TRABD2B: variants seen among roughly 807,000 people sequenced by gnomAD.
TRABD2B encodes TraB domain containing 2B.
Under a neutral mutation model 40.1 loss-of-function variants are expected in TRABD2B, and 14 were observed. The ratio of observed to expected loss-of-function variants is 0.35; its 90% CI spans 0.23 to 0.55. TRABD2B has a LOEUF of 0.55. TRABD2B is among the 20% of genes least tolerant of loss of function. The probability of loss-of-function intolerance (pLI) is 0.90; values close to 1 mark genes in which losing one functional copy is unlikely to be tolerated. For missense variants in TRABD2B, 541 were observed against 648.6 expected (o/e 0.83, Z 1.80); for synonymous variants, 263 against 277.0 (o/e 0.95, Z 0.50).
chr1:47,929,914 G>A (rs1306294641), intron 2 of TRABD2B, among the ~76,000 whole-genome samples: 1 of 152,152 alleles, frequency 6.6e-6, no homozygotes, highest in Non-Finnish European at 1.5e-5. Flanking sequence ...TGAGCCAAAT[G>A]CCCTTGCCCA....
chr1:47,809,710 C>T (rs1553153466), intron 2 of TRABD2B, among the ~76,000 whole-genome samples: 1 of 152,222 alleles, frequency 6.6e-6, no homozygotes, highest in Non-Finnish European at 1.5e-5. Flanking sequence ...TCTCCTAGGC[C>T]TCCAGCACTG....
intron 2 of TRABD2B, among the ~76,000 whole-genome samples, chr1:47,939,163 C>A (rs907930262): frequency 8.6e-5 from 13 of 151,990 alleles, no homozygotes; most frequent in Admixed American, 2.0e-4. Context: ...CTGTAATTAT[C>A]ATTAATTAGT....
At chr1:47,779,318 CAT>C (rs1273344787) in intron 4 of TRABD2B, among the ~76,000 whole-genome samples, 2 of 152,310 alleles carry the variant, frequency 1.3e-5, no homozygotes, top group Admixed American at 1.3e-4. Flanking sequence ...GAGGCAGAAA[CAT>C]AGAACTGAAC....
intron 2 of TRABD2B, among the ~76,000 whole-genome samples, chr1:47,934,611 C>T (rs1361202624): frequency 1.3e-5 from 2 of 152,218 alleles, no homozygotes; most frequent in African/African-American, 2.4e-5. Context: ...CTAATGATTG[C>T]TCCATGTCTG....
At chr1:47,766,507 G>A (rs4927044) in intron 6 of TRABD2B, among the ~76,000 whole-genome samples, 25,454 of 152,168 alleles carry the variant, frequency 0.17, 2,524 homozygotes, top group African/African-American at 0.25. Context: ...CTTGCAGACC[G>A]CCAAAACACG....
At chr1:47,804,237 T>C (rs1000703848) in intron 2 of TRABD2B, among the ~76,000 whole-genome samples, 3 of 152,138 alleles carry the variant, frequency 2.0e-5, no homozygotes, top group African/African-American at 7.2e-5. Context: ...GCCGCCACCA[T>C]TGAAATCTGA....
intron 2 of TRABD2B, among the ~76,000 whole-genome samples, chr1:47,877,209 G>A (rs568995834): frequency 6.6e-6 from 1 of 151,924 alleles, no homozygotes; most frequent in Admixed American, 6.6e-5. Flanking sequence ...AATGGGGCTG[G>A]GGGGTGGGCA....
intron 4 of TRABD2B, among the ~76,000 whole-genome samples, 198 bp from the exon 5 acceptor site, chr1:47,778,742 C>T (rs1644481632): frequency 6.6e-6 from 1 of 152,226 alleles, no homozygotes; most frequent in South Asian, 2.1e-4. Flanking sequence ...CAAATCCTGG[C>T]TCTGCCGCTC....
In TRABD2B at chr1:47,761,008, T is replaced by G. The variant is rs1644238271; in HGVS notation, c.*4894A>C. 6.6e-6 allele frequency: 1 copy of G among 152,278 alleles called. No homozygotes were observed. The highest frequency in any genetic ancestry group is 2.4e-5 in the African/African-American group (1 of 41,470). 9.4% of individuals were successfully genotyped at this position (152,278 alleles called of 1,614,324 possible). ...TCACCTTTCCCACCTCCACATGCTT[T>G]CAATCCCATGGCAGCCTGTGGGTCC... is the stretch of plus-strand genomic sequence containing the variant. On this transcript the variant is annotated 3_prime_UTR_variant, in exon 7 of 7. Coordinates refer to ENST00000606738, the MANE Select transcript of TRABD2B (RefSeq NM_001194986.2).
chr1:47,899,023 CT>C (rs1461806142), intron 2 of TRABD2B, among the ~76,000 whole-genome samples: 2 of 152,222 alleles, frequency 1.3e-5, no homozygotes, highest in African/African-American at 4.8e-5. Context: ...TGGAGAAGGC[CT>C]TACATCCATA....
At chr1:47,913,277 G>C (rs1644786885) in intron 2 of TRABD2B, among the ~76,000 whole-genome samples, 1 of 152,160 alleles carries the variant, frequency 6.6e-6, no homozygotes, top group South Asian at 2.1e-4. Flanking sequence ...CATGGGCACT[G>C]GGTGCTGCCT....
chr1:47,825,984 G>C (rs189921985), intron 2 of TRABD2B, among the ~76,000 whole-genome samples: 22 of 152,330 alleles, frequency 1.4e-4, no homozygotes, highest in Non-Finnish European at 2.8e-4. Flanking sequence ...CAACAGAATG[G>C]AGACCAGGTC....
In TRABD2B at chr1:47,892,106, A is replaced by G. The variant is rs189838240; in HGVS notation, c.667-90487T>C. Among the ~76,000 whole-genome samples, 4 of 152,286 alleles carry G rather than the reference A, an allele frequency of 2.6e-5. No individual in the cohort carries two copies. The East Asian group carries it at 7.7e-4, about 29-fold the overall frequency. The stretch of plus-strand genomic sequence containing the variant: ...AGTGGGAGAAGGCAACAGAAGGGAG[A>G]CCTGTTACAGGCAGCTTATTACACG... On this transcript the variant is annotated intron_variant, in intron 2 of 6. Coordinates refer to ENST00000606738, the MANE Select transcript of TRABD2B (RefSeq NM_001194986.2).
At chr1:47,807,304 G>A (rs1644905723) in intron 2 of TRABD2B, among the ~76,000 whole-genome samples, 1 of 152,170 alleles carries the variant, frequency 6.6e-6, no homozygotes, top group Admixed American at 6.5e-5. Flanking sequence ...GTGGAGGTGA[G>A]GAAGAGTGTT....
chr1:47,897,304 A>T (rs987896268), intron 2 of TRABD2B, among the ~76,000 whole-genome samples: 2 of 152,132 alleles, frequency 1.3e-5, no homozygotes, highest in Admixed American at 1.3e-4. Context: ...GTAGGAGACG[A>T]TCAGAGAGGA....
At chr1:47,830,552 C>T (rs900386909) in intron 2 of TRABD2B, among the ~76,000 whole-genome samples, 2 of 152,248 alleles carry the variant, frequency 1.3e-5, no homozygotes, top group African/African-American at 4.8e-5. Flanking sequence ...CCCCTCCCTG[C>T]TTTGCACATC....
chr1:47,996,721 G>C lies in TRABD2B; in HGVS notation c.69C>G (p.Pro23=), dbSNP rs1157804870. 2 of 1,228,412 alleles carry C rather than the reference G, an allele frequency of 1.6e-6. No homozygotes were observed. The highest frequency in any genetic ancestry group is 3.1e-5 in the African/African-American group (2 of 64,158). 76.1% of individuals were successfully genotyped at this position (1,228,412 alleles called of 1,614,324 possible). A position where few individuals can be genotyped will look rare whatever the true frequency, so the allele number is the denominator to read the frequency against. The part of the protein sequence containing the change: ...LLATARARPQ[P]PDGGQCRPPG... ...GCGGCCGGCACTGTCCTCCGTCCGGGGGCTGCGGGCGGGCGCGAGCGGTGG... is the reference window on the plus strand; with the variant it reads ...GCGGCCGGCACTGTCCTCCGTCCGGCGGCTGCGGGCGGGCGCGAGCGGTGG... Residue 23 remains proline (P), a synonymous_variant, in exon 1 of 7, where the codon CCC becomes CCG. Transcript: ENST00000606738. The surrounding 1 kb of genome is among the most constrained non-coding windows in gnomAD (Gnocchi z 4.6).
chr1:47,884,208 G>T (rs971871873), intron 2 of TRABD2B, among the ~76,000 whole-genome samples: 3 of 152,184 alleles, frequency 2.0e-5, no homozygotes, highest in Non-Finnish European at 4.4e-5. Context: ...GAAAACAGCA[G>T]TGGCCGTGTG....
At chr1:47,851,685 C>A (rs1483261249) in intron 2 of TRABD2B, among the ~76,000 whole-genome samples, 1 of 152,222 alleles carries the variant, frequency 6.6e-6, no homozygotes, top group African/African-American at 2.4e-5. Flanking sequence ...ACAATCCCCA[C>A]TTCCCAGGGC....
Sources: gnomAD v4.1 joint callset for allele counts (sites outside exome capture counted in the v4.1 genomes callset) on GRCh38, gnomAD v4.1.1 for gene constraint, Gnocchi (gnomAD v3.1) non-coding constraint, MANE v1.5 for transcripts, NCBI Gene and HGNC (gene_info 2026-07-23, HGNC 2026-07-21) for gene names.